OSBPL10: variants seen among roughly 807,000 people sequenced by gnomAD.
The protein encoded by OSBPL10 is oxysterol binding protein like 10.
In OSBPL10, 49 loss-of-function variants were observed where a neutral mutation model predicts 81.7. The observed-to-expected ratio is 0.60, with a 90% CI of 0.48 to 0.76. The LOEUF (loss-of-function observed/expected upper bound fraction) is 0.76, where lower values mean the gene tolerates loss of function less well. Ranked by LOEUF, OSBPL10 falls within the 30% of genes least tolerant of loss-of-function variation. OSBPL10 has a pLI of 0.00. For missense variants in OSBPL10, 923 were observed against 987.8 expected (o/e 0.93, Z 0.88); for synonymous variants, 419 against 383.6 (o/e 1.09, Z -1.08).
intron 2 of OSBPL10, among the ~76,000 whole-genome samples, chr3:32,019,817 A>C (rs995856623): frequency 6.6e-6 from 1 of 152,214 alleles, no homozygotes; most frequent in African/African-American, 2.4e-5. Context: ...AATAGCTTCA[A>C]CTATAGTCTA....
In OSBPL10 at chr3:31,733,386, G is replaced by C; in HGVS notation, c.966C>G (p.Ser322=). ...ASENILGWHG[S]KSHSTEQLKN... is the part of the protein sequence containing the mutation. ...TCAGCTGCTCTGTGGAATGTGACTTGGACCCGTGCCATCCCAGGATGTTTT... is the reference window on the plus strand; with the variant it reads ...TCAGCTGCTCTGTGGAATGTGACTTCGACCCGTGCCATCCCAGGATGTTTT... The change falls in exon 6 of 12, where the codon TCC becomes TCG. Residue 322 remains serine, a synonymous_variant. Coordinates refer to ENST00000396556, the MANE Select transcript of OSBPL10 (RefSeq NM_017784.5). 1 of 1,614,110 alleles carries C rather than the reference G, an allele frequency of 6.2e-7. No homozygotes were observed. Among genetic ancestry groups the C allele is most frequent in the Non-Finnish European group, 8.5e-7 (1 of 1,180,018 alleles).
At chr3:31,749,614 A>C (rs1697651030) in intron 4 of OSBPL10, among the ~76,000 whole-genome samples, 1 of 152,146 alleles carries the variant, frequency 6.6e-6, no homozygotes, top group African/African-American at 2.4e-5. Context: ...CAGGAGCTCG[A>C]GACCAGCCTG....
chr3:31,746,404 A>G (rs1305892208), intron 5 of OSBPL10, among the ~76,000 whole-genome samples: 1 of 152,076 alleles, frequency 6.6e-6, no homozygotes, highest in African/African-American at 2.4e-5. Flanking sequence ...GATCTTAAAA[A>G]CAGAATGCTG....
chr3:31,832,271 G>C lies in OSBPL10; in HGVS notation c.538-2040C>G, dbSNP rs559693314. The stretch of plus-strand genomic sequence containing the variant: ...TATAAAGTGGCTGCTTATTTGTGGA[G>C]AAGCAGGGAATGAGAGGATAGAAAC... On this transcript the variant is annotated intron_variant, in intron 3 of 11. Transcript: ENST00000396556. Among the ~76,000 whole-genome samples the C allele has an allele frequency of 2.0e-5, 3 of 152,334 alleles. No homozygotes were observed. In the East Asian group the frequency reaches 5.8e-4, roughly 29 times the overall value.
chr3:31,738,857 TG>T (rs1697264075), intron 5 of OSBPL10, among the ~76,000 whole-genome samples: 1 of 151,766 alleles, frequency 6.6e-6, no homozygotes, highest in South Asian at 2.1e-4. Flanking sequence ...TACCAATGTA[TG>T]AATAAAAGAA....
At chr3:31,842,338 A>G (rs1700521424) in intron 3 of OSBPL10, among the ~76,000 whole-genome samples, 1 of 152,228 alleles carries the variant, frequency 6.6e-6, no homozygotes, top group Non-Finnish European at 1.5e-5. Context: ...GTGAGCTCTA[A>G]GAATGCAGTT....
At chr3:31,709,186 T>A in intron 6 of OSBPL10, 1 of 320,916 alleles carries the variant, frequency 3.1e-6, no homozygotes, top group Non-Finnish European at 4.5e-6. Flanking sequence ...TCGGAGATGC[T>A]GAGTTTGTCG....
intron 1 of OSBPL10, among the ~76,000 whole-genome samples, chr3:31,931,631 T>C (rs1296010369): frequency 4.6e-5 from 7 of 152,246 alleles, no homozygotes; most frequent in Admixed American, 4.6e-4. Context: ...GCTTATGTTT[T>C]TAATTCCAAT....
In OSBPL10 at chr3:31,981,100, G is replaced by C. The variant is rs1039147869; in HGVS notation, c.80C>G (p.Ala27Gly). 6.7e-7 allele frequency: 1 copy of C among 1,492,756 alleles called. No individual in the cohort carries two copies. The highest frequency in any genetic ancestry group is 8.9e-7 in the Non-Finnish European group (1 of 1,126,002). 92.5% of individuals were successfully genotyped at this position (1,492,756 alleles called of 1,614,324 possible). A position where few individuals can be genotyped will look rare whatever the true frequency, so the allele number is the denominator to read the frequency against. Residue 27 changes from alanine to glycine, a missense_variant, in exon 1 of 12, where the codon GCG becomes GGG. Physicochemically the swap from Ala to Gly is moderately conservative, Grantham distance 60. Transcript: ENST00000396556. The surrounding 1 kb of genome is among the most constrained non-coding windows in gnomAD (Gnocchi z 4.5). ...CAGAGAGCAGGAGGGCGAGGAGCCCGCCGAGGTAGCACGGCTGCTGCTGCG... is the reference window on the plus strand; with the variant it reads ...CAGAGAGCAGGAGGGCGAGGAGCCCCCCGAGGTAGCACGGCTGCTGCTGCG... ...SSRSSSRATS[A>G]GSSPSCSLAG...
intron 4 of OSBPL10, among the ~76,000 whole-genome samples, chr3:31,782,525 T>C (rs1004487123): frequency 4.6e-5 from 7 of 152,050 alleles, no homozygotes; most frequent in Non-Finnish European, 7.4e-5. Flanking sequence ...TAGGAGAAAA[T>C]ATTTGAAAAC....
Position 31,666,129 on chromosome 3 carries a change from G to A in OSBPL10, c.2097-1897C>T, listed in dbSNP as rs548861201. On this transcript the variant is annotated intron_variant, in intron 10 of 11. Coordinates refer to ENST00000396556, the MANE Select transcript of OSBPL10 (RefSeq NM_017784.5). ...AAGGAAGCTGAGGTAAGCTTGCTCT[G>A]AGGAGGGGAGGGCACCATGGCAGAG... 4.6e-5 allele frequency among the ~76,000 whole-genome samples: 7 copies of A among 152,294 alleles called. No individual in the cohort carries two copies. In the East Asian group the frequency reaches 1.4e-3, roughly 29 times the overall value.
rs1419002598 is a variant in OSBPL10 at position 31,833,731 on chromosome 3, A to T, written c.538-3500T>A. On this transcript the variant is annotated intron_variant, in intron 3 of 11. Transcript: ENST00000396556. ...CACACACACACACACACACACACAC[A>T]CACACACTCTCTCTCTCTTCTAATT... Among the ~76,000 whole-genome samples, 232 of 151,542 alleles carry T rather than the reference A, an allele frequency of 1.5e-3. 1 individual carries two copies. The highest frequency in any genetic ancestry group is 5.5e-3 in the African/African-American group (227 of 41,090).
chr3:32,047,361 A>G (rs1699632201), intron 1 of OSBPL10, among the ~76,000 whole-genome samples: 1 of 152,226 alleles, frequency 6.6e-6, no homozygotes, highest in Admixed American at 6.5e-5. Flanking sequence ...CTGGTTGGCT[A>G]TTTTTATGGT....
chr3:31,716,669 A>T lies in OSBPL10; in HGVS notation c.1096-14161T>A, dbSNP rs566356250. Among the ~76,000 whole-genome samples the T allele has an allele frequency of 9.2e-5, 14 of 152,338 alleles. No individual in the cohort carries two copies. The South Asian group carries it at 2.9e-3, about 32-fold the overall frequency. On this transcript the variant is annotated intron_variant, in intron 6 of 11. Transcript: ENST00000396556. ...CAGTGAGGAGACGGCTCTGGCCTAGATGCTAGGGGGATCCAAACACAGACA... is the reference window on the plus strand; with the variant it reads ...CAGTGAGGAGACGGCTCTGGCCTAGTTGCTAGGGGGATCCAAACACAGACA...
chr3:31,723,092 C>T (rs1432197006), intron 6 of OSBPL10, among the ~76,000 whole-genome samples: 1 of 152,140 alleles, frequency 6.6e-6, no homozygotes, highest in Non-Finnish European at 1.5e-5. Context: ...GTCCACCACT[C>T]TTCTTATACT....
intron 4 of OSBPL10, among the ~76,000 whole-genome samples, chr3:31,760,367 G>C (rs2125719718): frequency 6.6e-6 from 1 of 152,226 alleles, no homozygotes; most frequent in South Asian, 2.1e-4. Flanking sequence ...GTACCCATGG[G>C]GGATTGGTTC....
chr3:31,872,001 T>C (rs1025785934), intron 3 of OSBPL10, among the ~76,000 whole-genome samples: 4 of 152,208 alleles, frequency 2.6e-5, no homozygotes, highest in East Asian at 1.9e-4. Flanking sequence ...ACTTTCTCCA[T>C]CAATGCTGCT....
intron 1 of OSBPL10, among the ~76,000 whole-genome samples, chr3:31,918,374 G>A (rs939783878): frequency 2.0e-5 from 3 of 150,272 alleles, no homozygotes; most frequent in East Asian, 4.0e-4. Flanking sequence ...TGTTGCCCAG[G>A]CCAGAGTACA....
At chr3:31,769,866 A>G (rs1293977722) in intron 4 of OSBPL10, among the ~76,000 whole-genome samples, 2 of 147,964 alleles carry the variant, frequency 1.4e-5, no homozygotes, top group African/African-American at 2.5e-5. Flanking sequence ...GATTGTAGGT[A>G]TTTTTAAATG....
Sources: gnomAD v4.1 joint callset for allele counts (sites outside exome capture counted in the v4.1 genomes callset) on GRCh38, gnomAD v4.1.1 for gene constraint, Gnocchi (gnomAD v3.1) non-coding constraint, MANE v1.5 for transcripts, NCBI Gene and HGNC (gene_info 2026-07-23, HGNC 2026-07-21) for gene names.